Variants in MTUS1 observed in about 807,000 individuals in gnomAD.
MTUS1 encodes microtubule associated scaffold protein 1.
A neutral mutation model predicts 120.8 loss-of-function variants in MTUS1; 109 were observed. That is an observed-to-expected ratio of 0.90 (90% CI 0.77 to 1.06). MTUS1 has a LOEUF of 1.06. Ranked by LOEUF, MTUS1 falls within the 50% of genes least tolerant of loss-of-function variation. The probability of loss-of-function intolerance (pLI) is 0.00; values close to 1 mark genes in which losing one functional copy is unlikely to be tolerated. For synonymous variants in MTUS1, 737 were observed against 550.5 expected (o/e 1.34, Z -4.74); for missense variants, 2,210 against 1,486.3 (o/e 1.49, Z -8.01).
intron 6 of MTUS1, among the ~76,000 whole-genome samples, chr8:17,702,859 G>A (rs563124547): frequency 4.6e-5 from 7 of 152,290 alleles, no homozygotes; most frequent in Non-Finnish European, 8.8e-5. Context: ...TGGAGGGACC[G>A]GCTGGAGCCA....
Position 17,754,237 on chromosome 8 carries a change from T to C in MTUS1, c.1571A>G (p.Asp524Gly). The C allele has an allele frequency of 6.2e-7, 1 of 1,614,156 alleles. No individual in the cohort carries two copies. The highest frequency in any genetic ancestry group is 1.1e-5 in the South Asian group (1 of 91,078). ...GGGCGTGACCTTTGATAAAGCAGCA[T>C]CTTTGGGCTGCAACACTGCTCTAGA... ...VMSRAVLQPK[D>G]AALSKVTPRP... is the part of the protein sequence containing the mutation. The change falls in exon 2 of 15, where the codon GAT (aspartate) becomes GGT (glycine). Residue 524 changes from aspartate to glycine, a missense_variant. Asp to Gly is a moderately conservative substitution (Grantham distance 94, BLOSUM62 -1). Coordinates refer to ENST00000693296, the MANE Select transcript of MTUS1 (RefSeq NM_001363059.2).
chr8:17,786,370 G>C (rs2051303611), intron 1 of MTUS1, among the ~76,000 whole-genome samples: 1 of 152,006 alleles, frequency 6.6e-6, no homozygotes, highest in South Asian at 2.1e-4. Context: ...CCTCCTCCAG[G>C]ACCCAGGCAC....
At chr8:17,717,750 T>C (rs1380943701) in intron 4 of MTUS1, among the ~76,000 whole-genome samples, 1 of 152,162 alleles carries the variant, frequency 6.6e-6, no homozygotes, top group African/African-American at 2.4e-5. Context: ...CTTGCCTCTC[T>C]GTCACATGCA....
intron 1 of MTUS1, among the ~76,000 whole-genome samples, chr8:17,796,052 G>C (rs138351086): frequency 0.062 from 9,347 of 151,494 alleles, 501 homozygotes; most frequent in African/African-American, 0.14. Flanking sequence ...TGGATTCAAG[G>C]AATTCTCCTG....
intron 1 of MTUS1, among the ~76,000 whole-genome samples, chr8:17,767,700 T>TAAAAA (rs112048837): frequency 3.3e-4 from 29 of 87,870 alleles, no homozygotes; most frequent in Non-Finnish European, 4.5e-4. Flanking sequence ...CCCTGTCTCT[T>TAAAAA]AAAAAAAAAA....
chr8:17,725,417 T>G (rs1353838774), intron 3 of MTUS1, among the ~76,000 whole-genome samples: 1 of 152,198 alleles, frequency 6.6e-6, no homozygotes, highest in Non-Finnish European at 1.5e-5. Context: ...ATGGCTCTCC[T>G]ACATCCATGT....
intron 7 of MTUS1, among the ~76,000 whole-genome samples, chr8:17,679,489 T>G (rs889882382): frequency 2.1e-5 from 2 of 96,324 alleles, no homozygotes; most frequent in Non-Finnish European, 5.1e-5. Context: ...TATTTTTATT[T>G]TATTTATTTA....
intron 1 of MTUS1, among the ~76,000 whole-genome samples, chr8:17,798,206 T>G (rs1488680636): frequency 6.6e-6 from 1 of 152,230 alleles, no homozygotes; most frequent in Non-Finnish European, 1.5e-5. Flanking sequence ...CAAAGGATGT[T>G]GTTCCTAATA....
intron 6 of MTUS1, among the ~76,000 whole-genome samples, chr8:17,694,187 A>C (rs1419636740): frequency 6.6e-6 from 1 of 152,160 alleles, no homozygotes; most frequent in Non-Finnish European, 1.5e-5. Context: ...TTGGCCTCCC[A>C]AAGTACTGGG....
At chr8:17,745,936 T>C (rs1226205844) in intron 2 of MTUS1, among the ~76,000 whole-genome samples, 2 of 152,168 alleles carry the variant, frequency 1.3e-5, no homozygotes, top group Non-Finnish European at 2.9e-5. Flanking sequence ...CCCCTTGCTG[T>C]TCTTATGACA....
chr8:17,794,131 C>T (rs2052024507), intron 1 of MTUS1, among the ~76,000 whole-genome samples: 1 of 152,020 alleles, frequency 6.6e-6, no homozygotes, highest in Non-Finnish European at 1.5e-5. Context: ...AGTTCGAGAC[C>T]AGCCTGATCA....
chr8:17,779,138 A>G (rs1002449712), intron 1 of MTUS1, among the ~76,000 whole-genome samples: 1 of 152,214 alleles, frequency 6.6e-6, no homozygotes, highest in African/African-American at 2.4e-5. Context: ...AGTAGTAGGT[A>G]AGGAGGCAGA....
At position 17,653,238 on chromosome 8, in the gene MTUS1, T is replaced by C; in HGVS notation, c.3332A>G (p.Glu1111Gly). ...DLKSENDALNEKLKSEEQKRR... is the reference protein window; with the variant it reads ...DLKSENDALNGKLKSEEQKRR... ...TTTTTGTTCTTCTGATTTCAATTTT[T>C]CATTTAAAGCATCATTTTCACTCTT... The change falls in exon 12 of 15, where the codon GAA becomes GGA. Residue 1111 changes from glutamate to glycine, a missense_variant. Transcript: ENST00000693296. The C allele has an allele frequency of 6.4e-6, 10 of 1,559,792 alleles. No homozygotes were observed. Among genetic ancestry groups the C allele is most frequent in the Non-Finnish European group, 7.8e-6 (9 of 1,157,518 alleles).
intron 1 of MTUS1, among the ~76,000 whole-genome samples, chr8:17,798,579 G>A (rs1009338345): frequency 6.6e-6 from 1 of 152,108 alleles, no homozygotes; most frequent in Non-Finnish European, 1.5e-5. Context: ...TGATCCGCCC[G>A]CCTTGGCTTC....
chr8:17,778,146 AT>A (rs1158585236), intron 1 of MTUS1, among the ~76,000 whole-genome samples: 2 of 151,464 alleles, frequency 1.3e-5, no homozygotes, highest in Non-Finnish European at 2.9e-5. Context: ...CGGGTAGATT[AT>A]TTTTTTTTAA....
intron 1 of MTUS1, among the ~76,000 whole-genome samples, chr8:17,797,937 C>G (rs531462823): frequency 4.2e-4 from 64 of 152,224 alleles, no homozygotes; most frequent in South Asian, 8.3e-4. Flanking sequence ...CCCCGCCCCC[C>G]CAAATAAATA....
chr8:17,655,748 A>G, intron 9 of MTUS1, 115 bp downstream of exon 9: 1 of 889,396 alleles, frequency 1.1e-6, no homozygotes, highest in Non-Finnish European at 1.8e-6. Flanking sequence ...CAACAACAAC[A>G]TGCTTTTTAT....
At position 17,653,424 on chromosome 8, in the gene MTUS1, C is replaced by T; in HGVS notation, c.3288+1G>A. 1 of 1,607,496 alleles carries T rather than the reference C, an allele frequency of 6.2e-7. No homozygotes were observed. The highest frequency in any genetic ancestry group is 8.5e-7 in the Non-Finnish European group (1 of 1,176,216). ...ATACTGGGATATTGACATTCACCCA[C>T]CTCTAGCGATTCCTGCTTCTCAGAA... On this transcript the variant is annotated splice_donor_variant, in intron 11 of 14. Coordinates refer to ENST00000693296, the MANE Select transcript of MTUS1 (RefSeq NM_001363059.2). LOFTEE classifies it high-confidence loss of function.
At position 17,653,226 on chromosome 8, in the gene MTUS1, G is replaced by C. The variant is rs1299161009; in HGVS notation, c.3344C>G (p.Ser1115Ter). The C allele has an allele frequency of 3.9e-6, 6 of 1,556,192 alleles. No individual in the cohort carries two copies. The highest frequency in any genetic ancestry group is 1.4e-5 in the African/African-American group (1 of 72,454). Residue 1115 changes from serine (S) to a stop codon, truncating the protein, a stop_gained, in exon 12 of 15, where the codon TCA becomes TGA. Transcript: ENST00000693296. LOFTEE classifies it high-confidence loss of function. ...TCTTGCTCTTCTTTTTTGTTCTTCT[G>C]ATTTCAATTTTTCATTTAAAGCATC... ...ENDALNEKLKSEEQKRRAREK... is the reference protein window; with the variant it reads ...ENDALNEKLK
Sources: gnomAD v4.1 joint callset for allele counts (sites outside exome capture counted in the v4.1 genomes callset) on GRCh38, gnomAD v4.1.1 for gene constraint, MANE v1.5 for transcripts, NCBI Gene and HGNC (gene_info 2026-07-23, HGNC 2026-07-21) for gene names.